Variants in PXDNL observed in about 807,000 individuals in gnomAD.
PXDNL encodes the protein probable oxidoreductase PXDNL.
In PXDNL, 145 loss-of-function variants were observed where a neutral mutation model predicts 150.8. The ratio of observed to expected loss-of-function variants is 0.96; its 90% CI spans 0.84 to 1.10. The LOEUF is 1.10. Ranked by LOEUF, PXDNL falls within the 50% of genes least tolerant of loss-of-function variation. The pLI, the probability that PXDNL is intolerant of heterozygous loss-of-function variation, is 0.00. For synonymous variants in PXDNL, 757 were observed against 725.7 expected (o/e 1.04, Z -0.69); for missense variants, 2,087 against 1,873.9 (o/e 1.11, Z -2.10).
intron 19 of PXDNL, among the ~76,000 whole-genome samples, chr8:51,369,920 G>A (rs749653513): frequency 9.9e-5 from 15 of 152,094 alleles, no homozygotes; most frequent in Non-Finnish European, 2.1e-4. Flanking sequence ...GCCCTCCTCC[G>A]AGTCTTCAAC....
chr8:51,369,799 T>C (rs1044632425), intron 19 of PXDNL, among the ~76,000 whole-genome samples: 2 of 152,238 alleles, frequency 1.3e-5, no homozygotes, highest in South Asian at 2.1e-4. Context: ...ATAAGAACGC[T>C]GCACAAACTC....
intron 1 of PXDNL, among the ~76,000 whole-genome samples, chr8:51,726,393 C>G (rs1036713901): frequency 2.0e-5 from 3 of 152,190 alleles, no homozygotes; most frequent in South Asian, 2.1e-4. Context: ...TTGGTAAACC[C>G]AAGAGAAATG....
At chr8:51,411,659 T>C (rs1321489509) in intron 15 of PXDNL, among the ~76,000 whole-genome samples, 1 of 152,156 alleles carries the variant, frequency 6.6e-6, no homozygotes, top group African/African-American at 2.4e-5. Flanking sequence ...AAACAATAGT[T>C]TTAGGAAACA....
chr8:51,689,164 G>A (rs549170034), intron 1 of PXDNL, among the ~76,000 whole-genome samples: 1 of 152,350 alleles, frequency 6.6e-6, no homozygotes, highest in East Asian at 1.9e-4. Context: ...GGTCAAGGAT[G>A]AAGCCACACA....
At chr8:51,649,171 T>C (rs555588205) in intron 2 of PXDNL, among the ~76,000 whole-genome samples, 4 of 152,306 alleles carry the variant, frequency 2.6e-5, no homozygotes, top group Admixed American at 2.6e-4. Context: ...CTTTGGCTGG[T>C]AACTGTGTCT....
At chr8:51,580,012 A>C (rs555824233) in intron 3 of PXDNL, among the ~76,000 whole-genome samples, 1 of 148,018 alleles carries the variant, frequency 6.8e-6, no homozygotes, top group African/African-American at 2.6e-5. Flanking sequence ...TAATAATAAT[A>C]AAATTAAATA....
rs984431811 is a variant in PXDNL, at chr8:51,609,961, T to G, written c.237-17263A>C. On this transcript the variant is annotated intron_variant, in intron 2 of 22. Coordinates refer to ENST00000356297, the MANE Select transcript of PXDNL (RefSeq NM_144651.5). Reference sequence around the variant, plus strand: ...TTGCAAAGCCCCGTTTTTCACTCGCTTGTGACCATTTGCTGAAGGAGATCA... The same window carrying G: ...TTGCAAAGCCCCGTTTTTCACTCGCGTGTGACCATTTGCTGAAGGAGATCA... Among the ~76,000 whole-genome samples the G allele has an allele frequency of 2.0e-5, 3 of 152,354 alleles. No homozygotes were observed. The East Asian group carries it at 5.8e-4, about 29-fold the overall frequency.
chr8:51,646,077 G>GT (rs35122214), intron 2 of PXDNL, among the ~76,000 whole-genome samples: 102,266 of 151,910 alleles, frequency 0.67, 35,124 homozygotes, highest in Non-Finnish European at 0.74. Flanking sequence ...CCCGAAATGG[G>GT]TATGTTGATG....
intron 14 of PXDNL, among the ~76,000 whole-genome samples, chr8:51,417,057 G>A (rs1373234670): frequency 3.3e-5 from 5 of 152,278 alleles, no homozygotes; most frequent in African/African-American, 1.2e-4. Flanking sequence ...ACAGCACTGT[G>A]TTATGTAAGC....
At chr8:51,608,013 GAAA>G (rs1813885058) in intron 2 of PXDNL, among the ~76,000 whole-genome samples, 1 of 73,244 alleles carries the variant, frequency 1.4e-5, no homozygotes, top group Non-Finnish European at 2.6e-5. Flanking sequence ...AAGAAAGAAA[GAAA>G]GAAAGAAAGA....
intron 2 of PXDNL, among the ~76,000 whole-genome samples, chr8:51,635,054 T>C (rs1814577912): frequency 6.6e-6 from 1 of 152,124 alleles, no homozygotes. Flanking sequence ...TGTCTTCTTC[T>C]AGTTTTTAAG....
intron 2 of PXDNL, among the ~76,000 whole-genome samples, chr8:51,602,321 A>G (rs894927001): frequency 6.6e-6 from 1 of 152,034 alleles, no homozygotes. Flanking sequence ...CCAATAATTC[A>G]TAGGTTATTT....
intron 2 of PXDNL, among the ~76,000 whole-genome samples, chr8:51,610,516 T>C (rs1279505832): frequency 6.6e-6 from 1 of 151,638 alleles, no homozygotes; most frequent in Non-Finnish European, 1.5e-5. Flanking sequence ...GAGAAACTAT[T>C]TTAGGGAGGA....
intron 2 of PXDNL, among the ~76,000 whole-genome samples, chr8:51,600,677 T>G (rs1813694872): frequency 7.2e-6 from 1 of 138,496 alleles, no homozygotes; most frequent in African/African-American, 2.6e-5. Context: ...AATTATATAA[T>G]TTATATGATA....
At chr8:51,661,847 CTTTT>C (rs5891426) in intron 1 of PXDNL, among the ~76,000 whole-genome samples, 1 of 140,580 alleles carries the variant, frequency 7.1e-6, no homozygotes, top group Non-Finnish European at 1.6e-5. Context: ...TCTTTCTTTT[CTTTT>C]TTTTTTTTTT....
At chr8:51,641,563 C>A (rs533102445) in intron 2 of PXDNL, among the ~76,000 whole-genome samples, 1 of 152,154 alleles carries the variant, frequency 6.6e-6, no homozygotes, top group South Asian at 2.1e-4. Context: ...ACAGACACTT[C>A]TCAAAAGAAG....
Position 51,408,766 on chromosome 8 carries a change from C to G in PXDNL, c.2858G>C (p.Cys953Ser), listed in dbSNP as rs770669547. The change falls in exon 17 of 23, where the codon TGT becomes TCT. Residue 953 changes from cysteine to serine, a missense_variant. Physicochemically the swap from Cys to Ser is moderately radical, Grantham distance 112. Coordinates refer to ENST00000356297, the MANE Select transcript of PXDNL (RefSeq NM_144651.5). ...GGCCCGGTGGTCCCCGGCCAGGAAACAGGGGCTCTCCTGCTCCTGTCGCGC... is the reference window on the plus strand; with the variant it reads ...GGCCCGGTGGTCCCCGGCCAGGAAAGAGGGGCTCTCCTGCTCCTGTCGCGC... Reference protein sequence around the residue: ...ECARQEQESPCFLAGDHRANE... With the variant: ...ECARQEQESPSFLAGDHRANE... 4 of 1,586,266 alleles carry G rather than the reference C, an allele frequency of 2.5e-6. No homozygotes were observed. Among genetic ancestry groups the G allele is most frequent in the Non-Finnish European group, 3.4e-6 (4 of 1,166,700 alleles).
At chr8:51,608,054 AAAGCAAGC>A (rs755666717) in intron 2 of PXDNL, among the ~76,000 whole-genome samples, 2,191 of 110,988 alleles carry the variant, frequency 0.02, 119 homozygotes, top group Non-Finnish European at 0.022. Flanking sequence ...AGAAAGAAAG[AAAGCAAGC>A]AAGCAAGCAA....
intron 2 of PXDNL, among the ~76,000 whole-genome samples, chr8:51,632,194 A>C (rs1814504047): frequency 6.6e-6 from 1 of 152,146 alleles, no homozygotes; most frequent in Non-Finnish European, 1.5e-5. Flanking sequence ...ATAGTTGGAG[A>C]CTCCAATACC....
Sources: allele counts gnomAD v4.1 joint callset (sites outside exome capture counted in the v4.1 genomes callset), GRCh38; gene constraint gnomAD v4.1.1; transcripts MANE v1.5; gene names NCBI Gene and HGNC (gene_info 2026-07-23, HGNC 2026-07-21).